The following PCDHA3 variants were observed in gnomAD, a reference collection of about 807,000 sequenced individuals.
PCDHA3 encodes protocadherin alpha 3.
In PCDHA3, 41 loss-of-function variants were observed where a neutral mutation model predicts 62.2. That is an observed-to-expected ratio of 0.66 (90% CI 0.51 to 0.86). The LOEUF (loss-of-function observed/expected upper bound fraction) is 0.86, where lower values mean the gene tolerates loss of function less well. Ranked by LOEUF, PCDHA3 falls within the 40% of genes least tolerant of loss-of-function variation. The pLI is 0.00. For synonymous variants in PCDHA3, 640 were observed against 555.4 expected (o/e 1.15, Z -2.14); for missense variants, 1,304 against 1,241.2 (o/e 1.05, Z -0.76).
At chr5:140,822,664 A>C (rs1554128805) in intron 1 of PCDHA3, 1 of 1,608,030 alleles carries the variant, frequency 6.2e-7, no homozygotes, top group African/African-American at 1.3e-5. Context: ...AATTAATTCT[A>C]ATACTGGTGA....
intron 1 of PCDHA3, chr5:140,824,528 C>T (rs2150134685): frequency 9.5e-5 from 19 of 200,362 alleles, no homozygotes; most frequent in Middle Eastern, 2.0e-3. Context: ...CATAGCTCAC[C>T]GAAGCCTGAA....
chr5:140,830,561 A>T (rs1473385985), intron 1 of PCDHA3: 9 of 998,078 alleles, frequency 9.0e-6, no homozygotes, highest in Non-Finnish European at 1.2e-5. Flanking sequence ...TGTCTTCTAT[A>T]TTTCTGTTTT....
intron 1 of PCDHA3, chr5:140,851,710 G>C: frequency 1.0e-6 from 1 of 958,600 alleles, no homozygotes; most frequent in Non-Finnish European, 1.3e-6. Context: ...GCCATGTGAA[G>C]ATTCGAAACT....
At chr5:140,904,270 G>A (rs374052783) in intron 1 of PCDHA3, among the ~76,000 whole-genome samples, 3 of 152,068 alleles carry the variant, frequency 2.0e-5, no homozygotes, top group East Asian at 3.9e-4. Context: ...ACTTATGAAT[G>A]AGAACATGTG....
chr5:140,865,500 G>A (rs1485481097), intron 1 of PCDHA3: 1 of 152,176 alleles, frequency 6.6e-6, no homozygotes, highest in Non-Finnish European at 1.5e-5. Flanking sequence ...GGAAAACCCT[G>A]TCCTACTTTA....
At chr5:140,964,199 A>C (rs1183847716) in intron 1 of PCDHA3, among the ~76,000 whole-genome samples, 1 of 152,240 alleles carries the variant, frequency 6.6e-6, no homozygotes, top group Admixed American at 6.5e-5. Context: ...AGAGTATACC[A>C]TCTCTTTAGT....
chr5:140,852,579 TTTA>T, intron 1 of PCDHA3: 2 of 849,052 alleles, frequency 2.4e-6, no homozygotes, highest in African/African-American at 1.9e-5. Flanking sequence ...CCAAGGCTTT[TTTA>T]TTTTTTTTTT....
At chr5:140,987,982 C>T (rs781838400) in intron 3 of PCDHA3, among the ~76,000 whole-genome samples, 16 of 152,206 alleles carry the variant, frequency 1.1e-4, no homozygotes, top group Non-Finnish European at 1.5e-4. Flanking sequence ...TCCATGGAGA[C>T]TCCATCTCTG....
At position 140,802,037 on chromosome 5, in the gene PCDHA3, T is replaced by C. The variant is rs782151411; in HGVS notation, c.840T>C (p.Ser280=). The C allele has an allele frequency of 5.0e-6, 8 of 1,614,076 alleles. No homozygotes were observed. The highest frequency in any genetic ancestry group is 6.8e-6 in the Non-Finnish European group (8 of 1,180,048). Residue 280 remains serine, a synonymous_variant, in exon 1 of 4, where the codon TCT becomes TCC. Coordinates refer to ENST00000522353, the MANE Select transcript of PCDHA3 (RefSeq NM_018906.3). ...DEGVNKDIAY[S]FNTDMSADIL... ...GAGTAAATAAGGATATCGCGTATTC[T>C]TTCAATACGGACATGTCAGCAGATA... is the stretch of plus-strand genomic sequence containing the variant.
chr5:140,994,072 G>T (rs1587604928), intron 3 of PCDHA3, among the ~76,000 whole-genome samples: 1 of 152,242 alleles, frequency 6.6e-6, no homozygotes, highest in East Asian at 1.9e-4. Flanking sequence ...TAATGGTGAA[G>T]GGAGAAATGT....
chr5:141,000,395 C>CTCTCTATA (rs1213762225), intron 3 of PCDHA3, among the ~76,000 whole-genome samples: 1 of 53,986 alleles, frequency 1.9e-5, no homozygotes, highest in Non-Finnish European at 3.2e-5. Flanking sequence ...CTCTCTCTCT[C>CTCTCTATA]TATATATATA....
intron 1 of PCDHA3, chr5:140,821,928 A>C (rs2150112074): frequency 2.5e-6 from 4 of 1,614,152 alleles, no homozygotes; most frequent in Non-Finnish European, 2.5e-6. Flanking sequence ...CGCAGGACCT[A>C]GGGCTGGAGC....
intron 1 of PCDHA3, chr5:140,835,740 C>T (rs1554135229): frequency 2.5e-6 from 4 of 1,613,594 alleles, no homozygotes; most frequent in Non-Finnish European, 3.4e-6. Flanking sequence ...CGACAACGCC[C>T]CGGCGTTCGC....
chr5:140,836,171 A>G lies in PCDHA3; in HGVS notation c.2394+32580A>G, dbSNP rs2150254615. 35 of 1,613,728 alleles carry G rather than the reference A, an allele frequency of 2.2e-5. 2 individuals carry two copies. The South Asian group carries it at 2.5e-4, about 12-fold the overall frequency. On this transcript the variant is annotated intron_variant, in intron 1 of 3. Transcript: ENST00000522353. The stretch of plus-strand genomic sequence containing the variant: ...GCCATGTGGTGGCGAAGGTACGTGC[A>G]GTTGACGCTGACTCAGGCTACAACG...
chr5:140,809,557 G>A, intron 1 of PCDHA3: 1 of 1,610,094 alleles, frequency 6.2e-7, no homozygotes, highest in Non-Finnish European at 8.5e-7. Flanking sequence ...AGACAACTGA[G>A]GAATCCTTTG....
In PCDHA3 at chr5:140,807,615, C is replaced by T. The variant is rs781997820; in HGVS notation, c.2394+4024C>T. ...GCAACACAAAAGAACCTGTCCATCG[C>T]GGAATCCAGGCCGCTTGACTCTCGG... On this transcript the variant is annotated intron_variant, in intron 1 of 3. Transcript: ENST00000522353. 6.2e-6 allele frequency: 10 copies of T among 1,614,038 alleles called. No homozygotes were observed. In the East Asian group the frequency reaches 6.7e-5, roughly 11 times the overall value.
At chr5:140,893,381 A>G (rs755671273) in intron 1 of PCDHA3, among the ~76,000 whole-genome samples, 11 of 152,190 alleles carry the variant, frequency 7.2e-5, no homozygotes, top group Non-Finnish European at 1.6e-4. Context: ...TTTATGGGAC[A>G]GTGGCTCATG....
chr5:140,949,679 T>A (rs246046), intron 1 of PCDHA3, among the ~76,000 whole-genome samples: 85,531 of 151,538 alleles, frequency 0.56, 24,739 homozygotes, highest in African/African-American at 0.69. Context: ...ATGCCCTTGT[T>A]GAAGCGTATT....
intron 1 of PCDHA3, among the ~76,000 whole-genome samples, chr5:140,890,344 A>T (rs1482265903): frequency 1.3e-5 from 2 of 152,196 alleles, no homozygotes; most frequent in Admixed American, 6.5e-5. Context: ...GGGATGGTTT[A>T]CTATATAGCA....
Sources: gnomAD v4.1 joint callset for allele counts (sites outside exome capture counted in the v4.1 genomes callset) on GRCh38, gnomAD v4.1.1 for gene constraint, MANE v1.5 for transcripts, NCBI Gene and HGNC (gene_info 2026-07-23, HGNC 2026-07-21) for gene names.